Variants in AHDC1 observed in about 807,000 individuals in gnomAD.
AHDC1 encodes transcription factor Gibbin.
In AHDC1, 7 loss-of-function variants were observed where a neutral mutation model predicts 87.9. The observed-to-expected ratio is 0.08, with a 90% CI of 0.05 to 0.15. The LOEUF is 0.15. Among genes scored for constraint, AHDC1 ranks in the 10% least tolerant of loss-of-function variants. The pLI, the probability that AHDC1 is intolerant of heterozygous loss-of-function variation, is 1.00. For missense variants in AHDC1, 1,841 were observed against 2,253.2 expected (o/e 0.82, Z 3.70); for synonymous variants, 1,051 against 1,006.8 (o/e 1.04, Z -0.83).
Position 27,549,257 on chromosome 1 carries a change from G to A in AHDC1, c.2859C>T (p.Ala953=). Residue 953 remains alanine (A), a synonymous_variant, in exon 8 of 9, where the codon GCC becomes GCT. Coordinates refer to ENST00000673934, the MANE Select transcript of AHDC1 (RefSeq NM_001371928.1). ...GGTGGGTGGTAGGTGAGCGGGCCAT[G>A]GCTGAGGGCGGGGGCACCAGCTTGG... ...TFPKLVPPPS[A]MARSPTTHPP... 2.5e-6 allele frequency: 4 copies of A among 1,604,956 alleles called. No individual in the cohort carries two copies. Among genetic ancestry groups the A allele is most frequent in the Non-Finnish European group, 3.4e-6 (4 of 1,174,268 alleles).
chr1:27,598,324 G>A lies in AHDC1; in HGVS notation c.-629+5073C>T, dbSNP rs528121800. On this transcript the variant is annotated intron_variant, in intron 3 of 8. Transcript: ENST00000673934. The surrounding 1 kb of genome is among the most constrained non-coding windows in gnomAD (Gnocchi z 4.2). ...TGGTGGAGGGGGCTGGAAGGGGGCT[G>A]GAGGGAGGCAGGGCCTCACTTTACT... Among the ~76,000 whole-genome samples the A allele has an allele frequency of 7.9e-5, 12 of 152,200 alleles. No homozygotes were observed. Among genetic ancestry groups the A allele is most frequent in the Non-Finnish European group, 1.3e-4 (9 of 68,014 alleles).
chr1:27,551,150 G>A lies in AHDC1; in HGVS notation c.966C>T (p.Asp322=), dbSNP rs745591579. The change falls in exon 8 of 9, where the codon GAC becomes GAT. Residue 322 remains aspartate, a synonymous_variant. Coordinates refer to ENST00000673934, the MANE Select transcript of AHDC1 (RefSeq NM_001371928.1). ...LALQALDTLP[D]SLESQLLDPQ... Reference sequence around the variant, plus strand: ...GGTCAAGCAGCTGCGACTCCAAGGAGTCAGGCAGGGTGTCCAGGGCCTGGA... The same window carrying A: ...GGTCAAGCAGCTGCGACTCCAAGGAATCAGGCAGGGTGTCCAGGGCCTGGA... 2.4e-5 allele frequency: 39 copies of A among 1,605,436 alleles called. No individual in the cohort carries two copies. Among genetic ancestry groups the A allele is most frequent in the Non-Finnish European group, 3.3e-5 (39 of 1,176,534 alleles).
chr1:27,600,129 G>A (rs2089489678), intron 3 of AHDC1, among the ~76,000 whole-genome samples: 1 of 151,710 alleles, frequency 6.6e-6, no homozygotes, highest in Non-Finnish European at 1.5e-5. Context: ...ACTGGCTTTG[G>A]TCTCCATCTT....
At chr1:27,589,683 C>T (rs532104656) in intron 3 of AHDC1, among the ~76,000 whole-genome samples, 13 of 152,188 alleles carry the variant, frequency 8.5e-5, no homozygotes, top group African/African-American at 1.4e-4. Context: ...TTTGTGAGAC[C>T]AAGGATATGT....
Position 27,549,180 on chromosome 1 carries a change from C to T in AHDC1, c.2936G>A (p.Ser979Asn), listed in dbSNP as rs2019371432. ...PQYGGYGAGQSVFAPTKPFTG... is the reference protein window; with the variant it reads ...PQYGGYGAGQNVFAPTKPFTG... ...AAAGGGCTTAGTTGGGGCGAATACG[C>T]TTTGTCCGGCCCCATAGCCGCCGTA... The change falls in exon 8 of 9, where the codon AGC becomes AAC. Residue 979 changes from serine to asparagine, a missense_variant. Ser to Asn is a conservative substitution (Grantham distance 46). Transcript: ENST00000673934. The T allele has an allele frequency of 6.3e-7, 1 of 1,583,218 alleles. No individual in the cohort carries two copies. Among genetic ancestry groups the T allele is most frequent in the East Asian group, 2.2e-5 (1 of 44,520 alleles).
intron 8 of AHDC1, among the ~76,000 whole-genome samples, chr1:27,540,006 G>A (rs1232215137): frequency 2.0e-5 from 3 of 152,020 alleles, no homozygotes; most frequent in Non-Finnish European, 4.4e-5. Flanking sequence ...CCCTCCAGCT[G>A]GAGATGCCAT....
At chr1:27,599,374 C>A (rs979519660) in intron 3 of AHDC1, among the ~76,000 whole-genome samples, 4 of 152,156 alleles carry the variant, frequency 2.6e-5, no homozygotes, top group Non-Finnish European at 5.9e-5. Context: ...CTCCCTCCCT[C>A]TCTCTCCCGG....
Position 27,571,610 on chromosome 1 carries a change from A to C in AHDC1, c.-628-12727T>G, listed in dbSNP as rs556519632. Among the ~76,000 whole-genome samples the C allele has an allele frequency of 2.6e-5, 4 of 151,084 alleles. No individual in the cohort carries two copies. The South Asian group carries it at 8.4e-4, about 32-fold the overall frequency. On this transcript the variant is annotated intron_variant, in intron 3 of 8. Transcript: ENST00000673934. ...GGCTCAGGAATTCCACCAGCCAAGGAGGGGGGGGTGGCTGCTTCGGCCTCA... is the reference window on the plus strand; with the variant it reads ...GGCTCAGGAATTCCACCAGCCAAGGCGGGGGGGGTGGCTGCTTCGGCCTCA...
chr1:27,537,306 G>C (rs1191743510), intron 8 of AHDC1, among the ~76,000 whole-genome samples: 10 of 152,168 alleles, frequency 6.6e-5, no homozygotes, highest in Non-Finnish European at 1.3e-4. Context: ...TCCTGTCTTT[G>C]AGAGGCTCAC....
chr1:27,535,923 C>T (rs768935313), intron 8 of AHDC1, among the ~76,000 whole-genome samples: 43 of 152,042 alleles, frequency 2.8e-4, no homozygotes, highest in Non-Finnish European at 5.1e-4. Flanking sequence ...GGGATGGGCT[C>T]GGGACTTCCT....
At chr1:27,539,891 CTG>C (rs1335287110) in intron 8 of AHDC1, among the ~76,000 whole-genome samples, 2 of 152,196 alleles carry the variant, frequency 1.3e-5, no homozygotes, top group African/African-American at 4.8e-5. Flanking sequence ...TTGTGTGACC[CTG>C]TGTCTCTACC....
At position 27,551,230 on chromosome 1, in the gene AHDC1, C is replaced by T; in HGVS notation, c.886G>A (p.Glu296Lys). 6.2e-7 allele frequency: 1 copy of T among 1,609,650 alleles called. No individual in the cohort carries two copies. Among genetic ancestry groups the T allele is most frequent in the Non-Finnish European group, 8.5e-7 (1 of 1,179,654 alleles). ...GCAAGAGGTTGCAGGGGTGGCAGCT[C>T]CAGAGCTTCCCCGAGCGGCTCTAGT... ...QALEPLGEAL[E>K]LPPLQPLADP... The change falls in exon 8 of 9, where the codon GAG becomes AAG. Residue 296 changes from glutamate (E) to lysine (K), a missense_variant. Transcript: ENST00000673934.
At chr1:27,554,374 T>G (rs1284389568) in intron 5 of AHDC1, among the ~76,000 whole-genome samples, 2 of 152,236 alleles carry the variant, frequency 1.3e-5, no homozygotes, top group Non-Finnish European at 2.9e-5. Flanking sequence ...CTTGCGTGAC[T>G]GGCTGTTTAG....
rs186315482 is a variant in AHDC1 at position 27,563,284 on chromosome 1, T to C, written c.-628-4401A>G. 2.3e-3 allele frequency among the ~76,000 whole-genome samples: 339 copies of C among 147,382 alleles called. 6 individuals carry two copies. The highest frequency in any genetic ancestry group is 0.015 in the Admixed American group (222 of 14,738). Reference sequence around the variant, plus strand: ...ACACCCACACAAAGAACCTGTCACATAGTTGACCAAGACACACACACATGC... The same window carrying C: ...ACACCCACACAAAGAACCTGTCACACAGTTGACCAAGACACACACACATGC... On this transcript the variant is annotated intron_variant, in intron 3 of 8. Coordinates refer to ENST00000673934, the MANE Select transcript of AHDC1 (RefSeq NM_001371928.1). The surrounding 1 kb of genome is among the most constrained non-coding windows in gnomAD (Gnocchi z 6.1).
chr1:27,599,182 GGGCC>G (rs2089462505), intron 3 of AHDC1, among the ~76,000 whole-genome samples: 1 of 142,978 alleles, frequency 7.0e-6, no homozygotes, highest in Non-Finnish European at 1.5e-5. Flanking sequence ...CCCTACCACA[GGGCC>G]AGGGCCAGGG....
Position 27,550,430 on chromosome 1 carries a change from C to T in AHDC1, c.1686G>A (p.Lys562=), listed in dbSNP as rs2019474897. Residue 562 remains lysine, a synonymous_variant, in exon 8 of 9, where the codon AAG becomes AAA. Coordinates refer to ENST00000673934, the MANE Select transcript of AHDC1 (RefSeq NM_001371928.1). ...CCTCGGCCGCCACCACAGCTGGCTC[C>T]TTGGGCTTGCCGGGACCCAGCAGCA... is the stretch of plus-strand genomic sequence containing the variant. ...KNLLLGPGKP[K]EPAVVAAEAA... 6.2e-7 allele frequency: 1 copy of T among 1,610,382 alleles called. No homozygotes were observed. The highest frequency in any genetic ancestry group is 8.5e-7 in the Non-Finnish European group (1 of 1,177,360).
intron 3 of AHDC1, among the ~76,000 whole-genome samples, chr1:27,579,459 CT>C (rs2088848467): frequency 6.6e-6 from 1 of 152,196 alleles, no homozygotes. Flanking sequence ...TTTATACACA[CT>C]ATTTAGTGCA....
chr1:27,541,347 C>G (rs1432440622), intron 8 of AHDC1, among the ~76,000 whole-genome samples: 4 of 152,036 alleles, frequency 2.6e-5, no homozygotes, highest in Admixed American at 2.6e-4. Flanking sequence ...GAGACGGAGT[C>G]TTGCTCTGTC....
rs1251377453 is a variant in AHDC1, at chr1:27,564,217, CCA to C, written c.-628-5336_-628-5335del. ...GGCCAAGAGCCAAGAGGCCTGGGTT[CCA>C]GTCTGAGCTCCTCCAGGGCCAAGCT... On this transcript the variant is annotated intron_variant, in intron 3 of 8. Transcript: ENST00000673934. 2.0e-5 allele frequency among the ~76,000 whole-genome samples: 3 copies of C among 152,312 alleles called. No individual in the cohort carries two copies. The East Asian group carries it at 5.8e-4, about 29-fold the overall frequency.
Sources: gnomAD v4.1 joint callset for allele counts (sites outside exome capture counted in the v4.1 genomes callset) on GRCh38, gnomAD v4.1.1 for gene constraint, Gnocchi (gnomAD v3.1) non-coding constraint, MANE v1.5 for transcripts, NCBI Gene and HGNC (gene_info 2026-07-23, HGNC 2026-07-21) for gene names.